BLTP1: variants seen among roughly 807,000 people sequenced by gnomAD.
BLTP1 encodes the protein fragile site-associated protein.
the BLTP1 span, chr4:122,324,519 G>A: frequency 2.5e-6 from 4 of 1,610,030 alleles, 1 homozygote; most frequent in South Asian, 3.3e-5. Context: ...CACCTCTTAA[G>A]CGAATGGAAA....
At chr4:122,316,797 A>T in the BLTP1 span, 1 of 1,613,490 alleles carries the variant, frequency 6.2e-7, no homozygotes, top group Non-Finnish European at 8.5e-7. Flanking sequence ...GAGGAAGAAA[A>T]ATTATGAAGC....
At chr4:122,361,996 A>G in the BLTP1 span, 3 of 1,582,036 alleles carry the variant, frequency 1.9e-6, no homozygotes, top group African/African-American at 4.1e-5. Context: ...TTAGGGCATT[A>G]CACTCCTTAA....
At chr4:122,197,289 T>C in the BLTP1 span, 2 of 1,422,444 alleles carry the variant, frequency 1.4e-6, no homozygotes, top group Non-Finnish European at 1.9e-6. Flanking sequence ...GCTGCAACTG[T>C]TACTTTTCTT....
the BLTP1 span, among the ~76,000 whole-genome samples, chr4:122,160,200 G>A: frequency 6.6e-6 from 1 of 152,056 alleles, no homozygotes; most frequent in African/African-American, 2.4e-5. Flanking sequence ...ATATTCATAG[G>A]TCCTGCTTGT....
the BLTP1 span, chr4:122,289,627 T>C: frequency 1.0e-6 from 1 of 985,300 alleles, no homozygotes; most frequent in Non-Finnish European, 1.2e-6. Context: ...AGCTTACAGT[T>C]GAGCTTAGTC....
chr4:122,213,170 C>T, the BLTP1 span, among the ~76,000 whole-genome samples: 1 of 152,124 alleles, frequency 6.6e-6, no homozygotes, highest in South Asian at 2.1e-4. Context: ...GTAGCTAGGT[C>T]TACAGGCGAG....
chr4:122,279,934 C>T, the BLTP1 span: 1 of 1,614,150 alleles, frequency 6.2e-7, no homozygotes, highest in South Asian at 1.1e-5. Context: ...GAAGTTCTCA[C>T]CAACTATCTA....
At chr4:122,238,961 C>A in the BLTP1 span, among the ~76,000 whole-genome samples, 1 of 152,126 alleles carries the variant, frequency 6.6e-6, no homozygotes, top group Admixed American at 6.5e-5. Context: ...AAACTCCAGC[C>A]AAAACCTTTG....
chr4:122,227,083 A>T, the BLTP1 span: 1 of 552,232 alleles, frequency 1.8e-6, no homozygotes, highest in Non-Finnish European at 2.5e-6. Flanking sequence ...TTACATTTTT[A>T]CTGTTAACAT....
the BLTP1 span, among the ~76,000 whole-genome samples, chr4:122,284,341 G>A: frequency 6.6e-6 from 1 of 151,982 alleles, no homozygotes; most frequent in African/African-American, 2.4e-5. Context: ...TTTCTTAAAG[G>A]AATCAACATT....
the BLTP1 span, chr4:122,324,474 CA>C: frequency 6.2e-7 from 1 of 1,611,066 alleles, no homozygotes; most frequent in Non-Finnish European, 8.5e-7. Flanking sequence ...AACCAAGTTA[CA>C]GCCGATCAAA....
chr4:122,221,409 T>C, the BLTP1 span, among the ~76,000 whole-genome samples: 1 of 152,206 alleles, frequency 6.6e-6, no homozygotes. Context: ...AACTTTTATT[T>C]TGAAATAATT....
chr4:122,272,864 T>C, the BLTP1 span, among the ~76,000 whole-genome samples: 1 of 152,094 alleles, frequency 6.6e-6, no homozygotes, highest in African/African-American at 2.4e-5. Flanking sequence ...TTGAGAATGA[T>C]TACACAAGGT....
the BLTP1 span, chr4:122,254,598 T>G: frequency 2.2e-6 from 2 of 909,106 alleles, no homozygotes; most frequent in South Asian, 5.1e-5. Context: ...TCTTTTTATC[T>G]CTGACAGGCT....
At chr4:122,328,659 T>C in the BLTP1 span, 1 of 983,162 alleles carries the variant, frequency 1.0e-6, no homozygotes, top group South Asian at 4.7e-5. Context: ...GAGAGGGCTG[T>C]ATTCCTGTGG....
chr4:122,249,064 G>A, the BLTP1 span: 1 of 953,678 alleles, frequency 1.0e-6, no homozygotes, highest in South Asian at 4.8e-5. Flanking sequence ...TGTAAAATAT[G>A]TCAGTATAAA....
chr4:122,292,167 C>T, the BLTP1 span: 2 of 174,644 alleles, frequency 1.1e-5, no homozygotes, highest in Non-Finnish European at 2.3e-5. Context: ...GACGGGGTTT[C>T]ACCATGTTGG....
chr4:122,352,133 G>A, the BLTP1 span, among the ~76,000 whole-genome samples: 2 of 152,130 alleles, frequency 1.3e-5, no homozygotes, highest in Non-Finnish European at 2.9e-5. Flanking sequence ...AGGAATATGA[G>A]TTTAAAAGCA....
At chr4:122,205,843 G>A in the BLTP1 span, 1 of 344,714 alleles carries the variant, frequency 2.9e-6, no homozygotes, top group Non-Finnish European at 4.1e-6. Flanking sequence ...ACATGGTATT[G>A]TGTTATGTAC....
Sources: allele counts gnomAD v4.1 joint callset (sites outside exome capture counted in the v4.1 genomes callset), GRCh38; gene constraint gnomAD v4.1.1; transcripts MANE v1.5; gene names NCBI Gene and HGNC (gene_info 2026-07-23, HGNC 2026-07-21).